Variants in NCOA6 observed in about 807,000 individuals in gnomAD.
NCOA6 encodes nuclear receptor coactivator 6, also known as NRC RAP250.
Under a neutral mutation model 171.4 loss-of-function variants are expected in NCOA6, and 49 were observed. The ratio of observed to expected loss-of-function variants is 0.29; its 90% CI spans 0.23 to 0.36. NCOA6 has a LOEUF of 0.36. Among genes scored for constraint, NCOA6 ranks in the 10% least tolerant of loss-of-function variants. The pLI, the probability that NCOA6 is intolerant of heterozygous loss-of-function variation, is 1.00. For synonymous variants in NCOA6, 910 were observed against 927.5 expected, an observed-to-expected ratio of 0.98 and a Z score of 0.34; for missense variants, 2,248 against 2,554.5, an observed-to-expected ratio of 0.88 and a Z score of 2.59.
At chr20:34,762,526 T>G (rs1375169922) in intron 5 of NCOA6, among the ~76,000 whole-genome samples, 1 of 152,184 alleles carries the variant, frequency 6.6e-6, no homozygotes, top group African/African-American at 2.4e-5. Flanking sequence ...GGATTAATTT[T>G]TTTTCATCAT....
At chr20:34,797,233 G>A (rs1272605714) in intron 1 of NCOA6, among the ~76,000 whole-genome samples, 1 of 152,144 alleles carries the variant, frequency 6.6e-6, no homozygotes, top group African/African-American at 2.4e-5. Context: ...TCTGCTTGAG[G>A]AGAGGAGAGG....
intron 14 of NCOA6, among the ~76,000 whole-genome samples, chr20:34,725,232 G>T (rs896467124): frequency 6.6e-6 from 1 of 152,230 alleles, no homozygotes; most frequent in African/African-American, 2.4e-5. Context: ...CAGAGATACA[G>T]TAGTTCGCAA....
chr20:34,807,459 C>T (rs2078492541), intron 1 of NCOA6, among the ~76,000 whole-genome samples: 1 of 152,206 alleles, frequency 6.6e-6, no homozygotes, highest in African/African-American at 2.4e-5. Context: ...TTGTGGTAAT[C>T]TGTTATGCAA....
chr20:34,720,705 G>C (rs1989211858), intron 14 of NCOA6, among the ~76,000 whole-genome samples: 1 of 152,186 alleles, frequency 6.6e-6, no homozygotes, highest in South Asian at 2.1e-4. Context: ...ACACAGTGCT[G>C]ATTCTGCAGG....
intron 13 of NCOA6, among the ~76,000 whole-genome samples, chr20:34,727,726 C>CTT (rs752719149): frequency 3.5e-5 from 5 of 141,136 alleles, no homozygotes; most frequent in South Asian, 2.2e-4. Context: ...CTTTTCTTTT[C>CTT]TTTTTTTTTT....
At position 34,736,679 on chromosome 20, in the gene NCOA6, G is replaced by C. The variant is rs774713547; in HGVS notation, c.5962+11C>G. 8 of 1,597,108 alleles carry C rather than the reference G, an allele frequency of 5.0e-6. No homozygotes were observed. Among genetic ancestry groups the C allele is most frequent in the Non-Finnish European group, 6.8e-6 (8 of 1,172,376 alleles). On this transcript the variant is annotated intron_variant, in intron 12 of 14. Transcript: ENST00000359003. Reference sequence around the variant, plus strand: ...TCCCACTCCAAGAAGTTTTTCCAAAGTACGCCTTACCTGGTCTGGCAACAG... The same window carrying C: ...TCCCACTCCAAGAAGTTTTTCCAAACTACGCCTTACCTGGTCTGGCAACAG...
chr20:34,791,960 C>T (rs897632833), intron 2 of NCOA6, among the ~76,000 whole-genome samples: 2 of 152,062 alleles, frequency 1.3e-5, no homozygotes, highest in African/African-American at 2.4e-5. Flanking sequence ...CTGCCAGGAT[C>T]TGTTATTGGA....
Position 34,742,232 on chromosome 20 carries a change from G to C in NCOA6, c.4024C>G (p.Pro1342Ala), listed in dbSNP as rs376894157. ...TTTGAATTTTGCCTCCCAGGGCTTGGAGTGGTTTTCCTACTGGACCCAGGA... is the reference window on the plus strand; with the variant it reads ...TTTGAATTTTGCCTCCCAGGGCTTGCAGTGGTTTTCCTACTGGACCCAGGA... ...SSPGSSRKTT[P>A]SPGRQNSKAP... The change falls in exon 11 of 15, where the codon CCA (proline) becomes GCA (alanine). Residue 1342 changes from proline to alanine, a missense_variant. By Grantham distance (27) the Pro-to-Ala change is conservative (BLOSUM62 -1). Coordinates refer to ENST00000359003, the MANE Select transcript of NCOA6 (RefSeq NM_014071.5). 5 of 1,614,104 alleles carry C rather than the reference G, an allele frequency of 3.1e-6. No individual in the cohort carries two copies. The South Asian group carries it at 4.4e-5, about 14-fold the overall frequency.
At chr20:34,823,055 ACG>A (rs1226108251) in intron 1 of NCOA6, among the ~76,000 whole-genome samples, 1 of 152,226 alleles carries the variant, frequency 6.6e-6, no homozygotes, top group Non-Finnish European at 1.5e-5. Flanking sequence ...TGATTTCTTA[ACG>A]TGCTGATAAA....
chr20:34,760,852 C>G (rs1012448404), intron 5 of NCOA6, among the ~76,000 whole-genome samples: 15 of 152,010 alleles, frequency 9.9e-5, no homozygotes, highest in African/African-American at 3.6e-4. Context: ...TTTTTTCATT[C>G]TTTACATTGT....
At chr20:34,748,571 T>C (rs1435527042) in intron 9 of NCOA6, among the ~76,000 whole-genome samples, 2 of 152,242 alleles carry the variant, frequency 1.3e-5, no homozygotes, top group Non-Finnish European at 2.9e-5. Context: ...GCACAAAATA[T>C]AGCTCAGTGA....
At chr20:34,786,201 T>C (rs2077673769) in intron 2 of NCOA6, among the ~76,000 whole-genome samples, 1 of 152,214 alleles carries the variant, frequency 6.6e-6, no homozygotes, top group Admixed American at 6.6e-5. Flanking sequence ...CCCCTTATCA[T>C]TTCTGATTGT....
At position 34,757,436 on chromosome 20, in the gene NCOA6, C is replaced by T; in HGVS notation, c.1312G>A (p.Gly438Arg). ...ACCGTTGGGGAGGATGCAGGGGATC[C>T]CTGCTGGAAGGAGGAGGGTGAGGAG... ...PASSPSSFQQGSPASSPTVNQ... is the reference protein window; with the variant it reads ...PASSPSSFQQRSPASSPTVNQ... Residue 438 changes from glycine to arginine, a missense_variant, in exon 7 of 15, where the codon GGA becomes AGA. Gly to Arg is a moderately radical substitution (Grantham distance 125). Coordinates refer to ENST00000359003, the MANE Select transcript of NCOA6 (RefSeq NM_014071.5). The T allele has an allele frequency of 6.2e-7, 1 of 1,613,580 alleles. No individual in the cohort carries two copies. The highest frequency in any genetic ancestry group is 1.1e-5 in the South Asian group (1 of 91,014).
chr20:34,762,539 T>G (rs909930041), intron 5 of NCOA6, among the ~76,000 whole-genome samples: 1 of 152,118 alleles, frequency 6.6e-6, no homozygotes, highest in Non-Finnish European at 1.5e-5. Flanking sequence ...TTCATCATGG[T>G]CATCCTCTTT....
In NCOA6 at chr20:34,741,860, C is replaced by G; in HGVS notation, c.4396G>C (p.Asp1466His). 6.2e-7 allele frequency: 1 copy of G among 1,614,186 alleles called. No individual in the cohort carries two copies. Among genetic ancestry groups the G allele is most frequent in the Middle Eastern group, 1.6e-4 (1 of 6,062 alleles). Reference sequence around the variant, plus strand: ...TCGACACTGGGAAGTTTGTTAGGATCCGAAGGCTGCCCATCCTTTTTGGAC... The same window carrying G: ...TCGACACTGGGAAGTTTGTTAGGATGCGAAGGCTGCCCATCCTTTTTGGAC... Reference protein sequence around the residue: ...DQSKKDGQPSDPNKLPSVEEN... With the variant: ...DQSKKDGQPSHPNKLPSVEEN... Residue 1466 changes from aspartate to histidine, a missense_variant, in exon 11 of 15, where the codon GAT becomes CAT. By Grantham distance (81) the Asp-to-His change is moderately conservative. This residue lies in a region of NCOA6 where 884 missense variants were observed against 941.9 expected (regional missense o/e 0.94). Transcript: ENST00000359003.
At chr20:34,756,291 G>A (rs1256584265) in intron 7 of NCOA6, among the ~76,000 whole-genome samples, 1 of 152,166 alleles carries the variant, frequency 6.6e-6, no homozygotes, top group Non-Finnish European at 1.5e-5. Flanking sequence ...GAGCCTGCAT[G>A]TCAGCAAAAT....
chr20:34,784,047 AG>A lies in NCOA6; in HGVS notation c.-49-1644del, dbSNP rs575816327. 1.3e-3 allele frequency among the ~76,000 whole-genome samples: 200 copies of A among 152,312 alleles called. 2 individuals are homozygous for A. The highest frequency in any genetic ancestry group is 4.6e-3 in the African/African-American group (193 of 41,560). On this transcript the variant is annotated intron_variant, in intron 2 of 14. Coordinates refer to ENST00000359003, the MANE Select transcript of NCOA6 (RefSeq NM_014071.5). ...TATAATTACAAGTTTCTTAAAAAAA[AG>A]ATGGATAAGAAAATTAATCCCCTAA... is the stretch of plus-strand genomic sequence containing the variant.
intron 5 of NCOA6, among the ~76,000 whole-genome samples, chr20:34,764,799 T>C (rs924240127): frequency 1.3e-5 from 2 of 151,912 alleles, no homozygotes; most frequent in Non-Finnish European, 2.9e-5. Flanking sequence ...TTTTTAAAGA[T>C]GGTAGTTAGA....
intron 1 of NCOA6, among the ~76,000 whole-genome samples, chr20:34,805,447 T>C (rs573955745): frequency 2.6e-5 from 4 of 152,294 alleles, no homozygotes; most frequent in African/African-American, 9.6e-5. Flanking sequence ...TAACATAATG[T>C]CCTCCAGGCT....
Sources: gnomAD v4.1 joint callset for allele counts (sites outside exome capture counted in the v4.1 genomes callset) on GRCh38, gnomAD v4.1.1 for gene constraint, gnomAD v4.1.1 regional missense constraint, MANE v1.5 for transcripts, NCBI Gene and HGNC (gene_info 2026-07-23, HGNC 2026-07-21) for gene names.